GTF2F2: variants seen among roughly 807,000 people sequenced by gnomAD.
The protein encoded by GTF2F2 is general transcription factor IIF subunit 2, also known as ATP-dependent helicase GTF2F2.
A neutral mutation model predicts 42.2 loss-of-function variants in GTF2F2; 23 were observed. The observed-to-expected ratio is 0.55, with a 90% CI of 0.39 to 0.77. The LOEUF is 0.77. GTF2F2 is among the 30% of genes least tolerant of loss of function. The probability of loss-of-function intolerance (pLI) is 0.00; values close to 1 mark genes in which losing one functional copy is unlikely to be tolerated. For synonymous variants in GTF2F2, 105 were observed against 100.8 expected (o/e 1.04, Z -0.25); for missense variants, 261 against 287.2 (o/e 0.91, Z 0.66).
intron 5 of GTF2F2, among the ~76,000 whole-genome samples, chr13:45,212,462 T>TTCTTTTCTTTCTTC: frequency 3.4e-4 from 1 of 2,982 alleles, no homozygotes; most frequent in Non-Finnish European, 7.6e-4. Context: ...TTTCTTTCTT[T>TTCTTTTCTTTCTTC]CTTTCTTTCT....
At chr13:45,207,302 AT>A in intron 4 of GTF2F2, 121 bp from the exon 5 acceptor site, 1 of 634,844 alleles carries the variant, frequency 1.6e-6, no homozygotes, top group Non-Finnish European at 2.7e-6. Context: ...AAACTTAACT[AT>A]TTTTTCTTGA....
chr13:45,250,157 C>A (rs1027339655), intron 5 of GTF2F2, among the ~76,000 whole-genome samples: 1 of 148,852 alleles, frequency 6.7e-6, no homozygotes, highest in Non-Finnish European at 1.5e-5. Context: ...TGGGTTCAAG[C>A]GATTCTCGAG....
At chr13:45,123,685 G>A (rs1192286708) in intron 1 of GTF2F2, among the ~76,000 whole-genome samples, 1 of 151,264 alleles carries the variant, frequency 6.6e-6, no homozygotes, top group African/African-American at 2.4e-5. Flanking sequence ...GATAAATAGT[G>A]TGTTTAGGGA....
rs1051296828 is a variant in GTF2F2, at chr13:45,283,497, A to G, written c.686A>G (p.His229Arg). ...EIGVQNVKGI[H>R]KNTWELKPEY... is the part of the protein sequence containing the mutation. ...GGTGTTCAGAATGTAAAAGGGATCC[A>G]CAAAAACACATGGGAGCTGAAGCCA... The change falls in exon 8 of 8, where the codon CAC becomes CGC. Residue 229 changes from histidine (H) to arginine (R), a missense_variant. Transcript: ENST00000340473. 1 of 1,612,916 alleles carries G rather than the reference A, an allele frequency of 6.2e-7. No homozygotes were observed. The highest frequency in any genetic ancestry group is 8.5e-7 in the Non-Finnish European group (1 of 1,179,164).
intron 5 of GTF2F2, chr13:45,221,013 C>G (rs1874090188): frequency 1.3e-5 from 2 of 152,136 alleles, no homozygotes; most frequent in Non-Finnish European, 2.9e-5. Context: ...GAATTTGTAT[C>G]TCTGGCCTAG....
At chr13:45,137,345 TC>T (rs2138101806) in intron 2 of GTF2F2, among the ~76,000 whole-genome samples, 1 of 152,356 alleles carries the variant, frequency 6.6e-6, no homozygotes, top group East Asian at 1.9e-4. Context: ...TTCCATTCTT[TC>T]TATCCATTCA....
chr13:45,235,715 G>A (rs1874940424), intron 5 of GTF2F2, among the ~76,000 whole-genome samples: 3 of 151,610 alleles, frequency 2.0e-5, no homozygotes, highest in African/African-American at 7.3e-5. Context: ...TCAGCCTCCC[G>A]AGTAGCCAGG....
At chr13:45,172,424 A>G (rs941435770) in intron 4 of GTF2F2, among the ~76,000 whole-genome samples, 1 of 152,102 alleles carries the variant, frequency 6.6e-6, no homozygotes, top group African/African-American at 2.4e-5. Context: ...GTAAGAGTTC[A>G]ATATATATAT....
chr13:45,152,557 C>T lies in GTF2F2; in HGVS notation c.304+726C>T, dbSNP rs139451688. 1.6e-4 allele frequency among the ~76,000 whole-genome samples: 24 copies of T among 152,300 alleles called. No individual in the cohort carries two copies. The East Asian group carries it at 4.6e-3, about 29-fold the overall frequency. On this transcript the variant is annotated intron_variant, in intron 4 of 7. Coordinates refer to ENST00000340473, the MANE Select transcript of GTF2F2 (RefSeq NM_004128.3). ...GTTTGATATTAGGGAATATTTTAGT[C>T]TGAATTTTTCAACTTGTATGCTTTG...
At chr13:45,165,452 A>G (rs1341494088) in intron 4 of GTF2F2, among the ~76,000 whole-genome samples, 1 of 151,738 alleles carries the variant, frequency 6.6e-6, no homozygotes, top group Non-Finnish European at 1.5e-5. Context: ...GTAAAGAGAA[A>G]AATGAAGTAT....
chr13:45,131,341 G>C (rs1869334623), intron 1 of GTF2F2, among the ~76,000 whole-genome samples: 1 of 152,118 alleles, frequency 6.6e-6, no homozygotes, highest in African/African-American at 2.4e-5. Context: ...GAGAAGTAGA[G>C]GGAGAAATCG....
Position 45,212,447 on chromosome 13 carries a change from G to GTTTCTTTCTTTTCT in GTF2F2, c.386+4953_386+4954insTCTTTTCTTTCTTT, listed in dbSNP as rs765065810. Among the ~76,000 whole-genome samples, 303 of 45,684 alleles carry GTTTCTTTCTTTTCT rather than the reference G, an allele frequency of 6.6e-3. 19 individuals are homozygous for GTTTCTTTCTTTTCT. The highest frequency in any genetic ancestry group is 7.9e-3 in the Non-Finnish European group (185 of 23,452). 30.0% of individuals were successfully genotyped at this position (45,684 alleles called of 152,430 possible). On this transcript the variant is annotated intron_variant, in intron 5 of 7. Coordinates refer to ENST00000340473, the MANE Select transcript of GTF2F2 (RefSeq NM_004128.3). ...TGATTTCTTTCTTTCTTTCTTTCTT[G>GTTTCTTTCTTTTCT]TTTCTTTCTTTCTTTCTTTCTTTCT...
At chr13:45,214,296 T>C (rs796391783) in intron 5 of GTF2F2, among the ~76,000 whole-genome samples, 37 of 152,310 alleles carry the variant, frequency 2.4e-4, no homozygotes, top group African/African-American at 8.7e-4. Context: ...ATTCTGTCAT[T>C]CATTTAGATA....
In GTF2F2 at chr13:45,230,536, G is replaced by A. The variant is rs555550050; in HGVS notation, c.387-22335G>A. Among the ~76,000 whole-genome samples the A allele has an allele frequency of 1.2e-4, 19 of 152,272 alleles. 1 individual carries two copies. Among genetic ancestry groups the A allele is most frequent in the African/African-American group, 4.1e-4 (17 of 41,548 alleles). On this transcript the variant is annotated intron_variant, in intron 5 of 7. Transcript: ENST00000340473. The stretch of plus-strand genomic sequence containing the variant: ...AAAAGCAAGGACAAAAACAACCATA[G>A]CATTGTCTTGTATTTACTACAAGTC...
rs542257722 is a variant in GTF2F2 at position 45,229,352 on chromosome 13, C to T, written c.386+21847C>T. 3.3e-5 allele frequency among the ~76,000 whole-genome samples: 5 copies of T among 152,176 alleles called. No homozygotes were observed. The East Asian group carries it at 7.7e-4, about 24-fold the overall frequency. On this transcript the variant is annotated intron_variant, in intron 5 of 7. Transcript: ENST00000340473. ...TTGTACAGCAAATTCCTAGCAAGGC[C>T]ATCACCTCCGGAAAAGCCTCCCTAT...
intron 5 of GTF2F2, among the ~76,000 whole-genome samples, chr13:45,245,666 A>AATATATAT (rs372488927): frequency 3.8e-3 from 425 of 110,718 alleles, no homozygotes; most frequent in Admixed American, 4.0e-3. Flanking sequence ...CCATGGTGTG[A>AATATATAT]ATATATATAT....
chr13:45,240,281 A>G (rs929707178), intron 5 of GTF2F2, among the ~76,000 whole-genome samples: 4 of 152,094 alleles, frequency 2.6e-5, no homozygotes, highest in South Asian at 4.2e-4. Context: ...TCTTGATGCC[A>G]GTGGTTATTT....
chr13:45,200,616 G>A (rs1254769845), intron 4 of GTF2F2, among the ~76,000 whole-genome samples: 1 of 152,168 alleles, frequency 6.6e-6, no homozygotes, highest in African/African-American at 2.4e-5. Context: ...ATCAAATAGA[G>A]ATCAGAATAT....
chr13:45,184,811 GGTT>G (rs1230164457), intron 4 of GTF2F2, among the ~76,000 whole-genome samples: 1 of 151,954 alleles, frequency 6.6e-6, no homozygotes, highest in African/African-American at 2.4e-5. Flanking sequence ...ACAAGCACAA[GGTT>G]GTTATTTTCT....
Sources: allele counts gnomAD v4.1 joint callset (sites outside exome capture counted in the v4.1 genomes callset), GRCh38; gene constraint gnomAD v4.1.1; transcripts MANE v1.5; gene names NCBI Gene and HGNC (gene_info 2026-07-23, HGNC 2026-07-21).